Variants in UBE2D2 observed in about 807,000 individuals in gnomAD.
The protein encoded by UBE2D2 is ubiquitin-conjugating enzyme E2 D2.
A neutral mutation model predicts 24.2 loss-of-function variants in UBE2D2; 2 were observed. The ratio of observed to expected loss-of-function variants is 0.08; its 90% confidence interval spans 0.03 to 0.26. The LOEUF is 0.26. Among genes scored for constraint, UBE2D2 ranks in the 10% least tolerant of loss-of-function variants. UBE2D2 has a pLI of 1.00. For synonymous variants in UBE2D2, 58 were observed against 56.5 expected, an observed-to-expected ratio of 1.03 and a Z score of -0.12; for missense variants, 44 against 177.6, an observed-to-expected ratio of 0.25 and a Z score of 4.28.
chr5:139,595,634 A>T (rs990162235), intron 1 of UBE2D2, among the ~76,000 whole-genome samples: 8 of 151,950 alleles, frequency 5.3e-5, no homozygotes, highest in African/African-American at 1.9e-4. Flanking sequence ...GTGCCCAGCC[A>T]TGATGACAAT....
intron 2 of UBE2D2, chr5:139,612,240 A>T (rs1345442166): frequency 6.5e-6 from 1 of 152,856 alleles, no homozygotes; most frequent in African/African-American, 2.4e-5. Flanking sequence ...TGGACTTCTG[A>T]TGAGATCTGT....
intron 1 of UBE2D2, among the ~76,000 whole-genome samples, chr5:139,546,810 C>G (rs1459428761): frequency 7.8e-6 from 1 of 128,382 alleles, no homozygotes; most frequent in East Asian, 2.6e-4. Context: ...TTTCTTTCTT[C>G]TTTCTTTCTT....
chr5:139,569,209 AT>A (rs199889127), intron 1 of UBE2D2, among the ~76,000 whole-genome samples: 13 of 151,698 alleles, frequency 8.6e-5, no homozygotes, highest in Admixed American at 1.3e-4. Context: ...AGTTCTGGGA[AT>A]TTTTTTTTCC....
At chr5:139,540,469 C>G (rs1752742077) in intron 1 of UBE2D2, among the ~76,000 whole-genome samples, 1 of 149,002 alleles carries the variant, frequency 6.7e-6, no homozygotes, top group Non-Finnish European at 1.5e-5. Flanking sequence ...TGGCGTGAAC[C>G]CGGGAGGTGG....
intron 5 of UBE2D2, among the ~76,000 whole-genome samples, chr5:139,622,694 C>T (rs1433960239): frequency 6.7e-6 from 1 of 148,640 alleles, no homozygotes; most frequent in African/African-American, 2.5e-5. Context: ...TCGAGACCAT[C>T]CTGGCTAACA....
At chr5:139,625,420 A>C (rs1439007568) in intron 6 of UBE2D2, among the ~76,000 whole-genome samples, 624 of 14,124 alleles carry the variant, frequency 0.044, no homozygotes, top group South Asian at 0.065. Context: ...AGGCCAGCAT[A>C]CCCACCCCCA....
intron 2 of UBE2D2, among the ~76,000 whole-genome samples, chr5:139,608,514 G>A (rs1754243434): frequency 6.6e-6 from 1 of 152,070 alleles, no homozygotes; most frequent in Non-Finnish European, 1.5e-5. Flanking sequence ...CAGCAGTTTG[G>A]GGGGTCAAGG....
chr5:139,553,449 A>G (rs1490551025), intron 1 of UBE2D2, among the ~76,000 whole-genome samples: 3 of 152,138 alleles, frequency 2.0e-5, no homozygotes, highest in Non-Finnish European at 4.4e-5. Context: ...ATCTCCAGCT[A>G]TATCACAGCT....
chr5:139,554,731 T>C (rs1458919412), intron 1 of UBE2D2, among the ~76,000 whole-genome samples: 1 of 152,064 alleles, frequency 6.6e-6, no homozygotes, highest in Non-Finnish European at 1.5e-5. Context: ...ATGTTTAACT[T>C]AATAAGAAAT....
intron 6 of UBE2D2, among the ~76,000 whole-genome samples, chr5:139,624,282 A>G (rs1754571477): frequency 6.6e-6 from 1 of 152,202 alleles, no homozygotes; most frequent in African/African-American, 2.4e-5. Flanking sequence ...CAAAAGAGAT[A>G]GTAGCTAAAA....
At chr5:139,561,946 T>A in intron 1 of UBE2D2, 131 bp downstream of exon 1, 1 of 1,265,158 alleles carries the variant, frequency 7.9e-7, no homozygotes, top group Non-Finnish European at 1.0e-6. Flanking sequence ...CGGGGCGGCC[T>A]CCATACCCCA....
At chr5:139,607,787 G>A (rs1389192049) in intron 2 of UBE2D2, among the ~76,000 whole-genome samples, 4 of 152,064 alleles carry the variant, frequency 2.6e-5, no homozygotes, top group East Asian at 1.9e-4. Flanking sequence ...CAGAAGGATC[G>A]CTTGAGGCCA....
chr5:139,534,821 A>G (rs1406426292), intron 1 of UBE2D2, among the ~76,000 whole-genome samples: 1 of 152,064 alleles, frequency 6.6e-6, no homozygotes, highest in African/African-American at 2.4e-5. Context: ...TTCCTATAGT[A>G]TTGTTTAGAA....
chr5:139,563,164 G>A (rs1753145977), intron 1 of UBE2D2, among the ~76,000 whole-genome samples: 1 of 152,166 alleles, frequency 6.6e-6, no homozygotes, highest in South Asian at 2.1e-4. Context: ...AAGAGAACCA[G>A]TTTTTAGCTT....
At chr5:139,608,058 T>G (rs1053553815) in intron 2 of UBE2D2, among the ~76,000 whole-genome samples, 3 of 151,966 alleles carry the variant, frequency 2.0e-5, no homozygotes. Flanking sequence ...TGCTAGAGTA[T>G]CTCTAACTTT....
intron 1 of UBE2D2, among the ~76,000 whole-genome samples, chr5:139,529,683 G>C (rs1752578740): frequency 6.6e-6 from 1 of 152,050 alleles, no homozygotes; most frequent in Non-Finnish European, 1.5e-5. Flanking sequence ...AAAAGGGCTG[G>C]ATCTTAGTGT....
intron 2 of UBE2D2, among the ~76,000 whole-genome samples, chr5:139,605,932 A>C (rs917887379): frequency 8.6e-5 from 13 of 151,794 alleles, no homozygotes; most frequent in Non-Finnish European, 2.9e-5. Context: ...TTGTAGCAAT[A>C]GGGTCTCACC....
In UBE2D2 at chr5:139,591,185, A is replaced by G. The variant is rs190852291; in HGVS notation, c.25-9187A>G. 1.0e-3 allele frequency among the ~76,000 whole-genome samples: 153 copies of G among 148,260 alleles called. 1 individual carries two copies. Among genetic ancestry groups the G allele is most frequent in the Non-Finnish European group, 1.8e-3 (124 of 67,370 alleles). ...TGCCCAGGCTGGAGTGCATGGTGCA[A>G]TCTCGGCTCACCATAACCTGCACTT... On this transcript the variant is annotated intron_variant, in intron 1 of 6. Coordinates refer to ENST00000398733, the MANE Select transcript of UBE2D2 (RefSeq NM_003339.3).
chr5:139,598,919 CTTTTTTTT>C (rs36027909), intron 1 of UBE2D2, among the ~76,000 whole-genome samples: 4 of 76,208 alleles, frequency 5.2e-5, no homozygotes, highest in Non-Finnish European at 9.3e-5. Flanking sequence ...AAATATATTC[CTTTTTTTT>C]TTTTTTTTTT....
Sources: gnomAD v4.1 joint callset for allele counts (sites outside exome capture counted in the v4.1 genomes callset) on GRCh38, gnomAD v4.1.1 for gene constraint, MANE v1.5 for transcripts, NCBI Gene and HGNC (gene_info 2026-07-23, HGNC 2026-07-21) for gene names.